The following P2RX7 variants were observed in gnomAD, a reference collection of about 807,000 sequenced individuals.
P2RX7 encodes P2X purinoceptor 7.
Under a neutral mutation model 71.6 loss-of-function variants are expected in P2RX7, and 62 were observed. The observed-to-expected ratio is 0.87, with a 90% CI of 0.71 to 1.07. The LOEUF is 1.07. P2RX7 is among the 50% of genes least tolerant of loss of function. P2RX7 has a pLI of 0.00. For synonymous variants in P2RX7, 299 were observed against 283.3 expected (o/e 1.06, Z -0.56); for missense variants, 686 against 748.5 (o/e 0.92, Z 0.97).
intron 1 of P2RX7, among the ~76,000 whole-genome samples, chr12:121,144,098 C>T (rs1875621256): frequency 6.6e-6 from 1 of 152,194 alleles, no homozygotes. Flanking sequence ...TATTCTCTGC[C>T]TCTGGAGATT....
intron 1 of P2RX7, among the ~76,000 whole-genome samples, chr12:121,146,121 G>C (rs1876129597): frequency 6.6e-6 from 1 of 151,828 alleles, no homozygotes; most frequent in East Asian, 1.9e-4. Flanking sequence ...GTTCTGCCTT[G>C]TGTCCCTCTT....
Position 121,185,081 on chromosome 12 carries a change from C to T in P2RX7, c.*279C>T. Reference sequence around the variant, plus strand: ...GCCTGGGAGGCACAGCAAACTGTCCCCCAAAAAAAAAAAAGAGTCCTTACC... The same window carrying T: ...GCCTGGGAGGCACAGCAAACTGTCCTCCAAAAAAAAAAAAGAGTCCTTACC... On this transcript the variant is annotated 3_prime_UTR_variant, in exon 13 of 13. Coordinates refer to ENST00000328963, the MANE Select transcript of P2RX7 (RefSeq NM_002562.6). 1 of 201,998 alleles carries T rather than the reference C, an allele frequency of 5.0e-6. No individual in the cohort carries two copies. Among genetic ancestry groups the T allele is most frequent in the South Asian group, 1.3e-4 (1 of 7,770 alleles). 12.5% of individuals were successfully genotyped at this position (201,998 alleles called of 1,614,324 possible).
chr12:121,156,469 CACA>C (rs766695371), intron 3 of P2RX7, among the ~76,000 whole-genome samples: 33 of 152,320 alleles, frequency 2.2e-4, no homozygotes, highest in Non-Finnish European at 3.1e-4. Context: ...TTGGCATTTG[CACA>C]ACATTTCACA....
rs899711643 is a variant in P2RX7 at position 121,184,912 on chromosome 12, C to T, written c.*110C>T. 2 of 809,264 alleles carry T rather than the reference C, an allele frequency of 2.5e-6. No homozygotes were observed. Among genetic ancestry groups the T allele is most frequent in the East Asian group, 2.7e-5 (1 of 37,094 alleles). The allele number at this position is 809,264 out of a possible 1,614,324, so 50.1% of individuals were successfully genotyped here. On this transcript the variant is annotated 3_prime_UTR_variant, in exon 13 of 13. Transcript: ENST00000328963. ...CCCGCCTGGCTAACAAGGCGAAATCCTGTCTGTACTAAAAATACAAAAATC... is the reference window on the plus strand; with the variant it reads ...CCCGCCTGGCTAACAAGGCGAAATCTTGTCTGTACTAAAAATACAAAAATC...
chr12:121,178,782 A>G (rs2136151180), intron 11 of P2RX7, among the ~76,000 whole-genome samples: 1 of 123,554 alleles, frequency 8.1e-6, no homozygotes, highest in African/African-American at 3.3e-5. Flanking sequence ...ACAGAGGGAA[A>G]CTCTGTCTCA....
chr12:121,165,282 C>T, intron 5 of P2RX7, 75 bp from the exon 6 acceptor site: 1 of 1,124,886 alleles, frequency 8.9e-7, no homozygotes, highest in East Asian at 2.4e-5. Flanking sequence ...AACCAGAAGC[C>T]TCTGGTCCCA....
At chr12:121,134,719 T>C (rs1873174793) in intron 1 of P2RX7, among the ~76,000 whole-genome samples, 1 of 152,188 alleles carries the variant, frequency 6.6e-6, no homozygotes, top group South Asian at 2.1e-4. Context: ...ATTATAGCCA[T>C]GCTAGTGGGT....
At chr12:121,134,113 G>C (rs1295989435) in intron 1 of P2RX7, among the ~76,000 whole-genome samples, 1 of 152,126 alleles carries the variant, frequency 6.6e-6, no homozygotes, top group Non-Finnish European at 1.5e-5. Flanking sequence ...TGGACATTGG[G>C]GTTGTTTCTC....
chr12:121,156,083 A>G lies in P2RX7; in HGVS notation c.299A>G (p.Asn100Ser), dbSNP rs1399976086. The change falls in exon 3 of 13, where the codon AAC becomes AGC. Residue 100 changes from asparagine to serine, a missense_variant. Transcript: ENST00000328963. ...TTAGCCTCTCCTTCTCCACAGGGGA[A>G]CTCTTTCTTCGTGATGACAAACTTT... Reference protein sequence around the residue: ...TADYTFPLQGNSFFVMTNFLK... With the variant: ...TADYTFPLQGSSFFVMTNFLK... 1 of 1,613,786 alleles carries G rather than the reference A, an allele frequency of 6.2e-7. No individual in the cohort carries two copies. Among genetic ancestry groups the G allele is most frequent in the Admixed American group, 1.7e-5 (1 of 60,000 alleles).
chr12:121,175,052 G>T (rs1201421721), intron 8 of P2RX7, among the ~76,000 whole-genome samples: 1 of 152,066 alleles, frequency 6.6e-6, no homozygotes, highest in African/African-American at 2.4e-5. Flanking sequence ...GCTCATGCCT[G>T]TAACCCCAGA....
At chr12:121,159,066 G>A (rs1188500042) in intron 3 of P2RX7, among the ~76,000 whole-genome samples, 1 of 152,190 alleles carries the variant, frequency 6.6e-6, no homozygotes, top group Non-Finnish European at 1.5e-5. Flanking sequence ...CATTGAGCAT[G>A]TACTATGTGC....
rs1884723787 is a variant in P2RX7, at chr12:121,184,881, T to C, written c.*79T>C. 2 of 1,158,090 alleles carry C rather than the reference T, an allele frequency of 1.7e-6. No homozygotes were observed. Among genetic ancestry groups the C allele is most frequent in the East Asian group, 5.2e-5 (2 of 38,676 alleles). 71.7% of individuals were successfully genotyped at this position (1,158,090 alleles called of 1,614,324 possible). On this transcript the variant is annotated 3_prime_UTR_variant, in exon 13 of 13. Coordinates refer to ENST00000328963, the MANE Select transcript of P2RX7 (RefSeq NM_002562.6). ...AGGCAGATCACCTGAGGTCGGGAGT[T>C]GGAGACCCGCCTGGCTAACAAGGCG...
At chr12:121,153,424 T>C (rs1223564500) in intron 1 of P2RX7, among the ~76,000 whole-genome samples, 4 of 152,038 alleles carry the variant, frequency 2.6e-5, no homozygotes, top group Admixed American at 1.3e-4. Flanking sequence ...ACACCTGTAA[T>C]CCCAGCACTT....
intron 1 of P2RX7, among the ~76,000 whole-genome samples, chr12:121,153,111 T>G (rs2136035830): frequency 6.6e-6 from 1 of 152,310 alleles, no homozygotes; most frequent in South Asian, 2.1e-4. Context: ...ACTTGGGAAC[T>G]TTAAAAAAAT....
chr12:121,139,434 G>A (rs540032274), intron 1 of P2RX7, among the ~76,000 whole-genome samples: 1 of 152,334 alleles, frequency 6.6e-6, no homozygotes, highest in South Asian at 2.1e-4. Context: ...ATTCCACTCA[G>A]AGCTGCTGCT....
At position 121,149,876 on chromosome 12, in the gene P2RX7, C is replaced by T. The variant is rs1033338805; in HGVS notation, c.126-4909C>T. Among the ~76,000 whole-genome samples, 16 of 152,156 alleles carry T rather than the reference C, an allele frequency of 1.1e-4. No homozygotes were observed. Among genetic ancestry groups the T allele is most frequent in the African/African-American group, 3.9e-4 (16 of 41,436 alleles). On this transcript the variant is annotated intron_variant, in intron 1 of 12. Transcript: ENST00000328963. This position sits in a 1 kb window ranked among gnomAD's most constrained non-coding sequence, Gnocchi z 4.7. ...CACACCACCACACCCCCACAACTTA[C>T]CCATCCTCCCCGGCTCAGTGAAATC...
intron 8 of P2RX7, among the ~76,000 whole-genome samples, chr12:121,174,425 G>A (rs1882743671): frequency 6.6e-6 from 1 of 152,170 alleles, no homozygotes; most frequent in African/African-American, 2.4e-5. Flanking sequence ...GGAGGCTGAG[G>A]TGGGAGTATC....
At chr12:121,147,594 T>C (rs545194589) in intron 1 of P2RX7, among the ~76,000 whole-genome samples, 2 of 116,108 alleles carry the variant, frequency 1.7e-5, no homozygotes, top group Non-Finnish European at 3.2e-5. Flanking sequence ...AAATGGGCAG[T>C]TTTTTTTGTT....
intron 9 of P2RX7, among the ~76,000 whole-genome samples, chr12:121,176,228 A>AACACACACACAC (rs56222751): frequency 0.018 from 2,484 of 140,794 alleles, 34 homozygotes; most frequent in South Asian, 0.035. Context: ...CAGCCCCTTC[A>AACACACACACAC]ACACACACAC....
Sources: allele counts gnomAD v4.1 joint callset (sites outside exome capture counted in the v4.1 genomes callset), GRCh38; gene constraint gnomAD v4.1.1; non-coding constraint Gnocchi (gnomAD v3.1); transcripts MANE v1.5; gene names NCBI Gene and HGNC (gene_info 2026-07-23, HGNC 2026-07-21).